The following MLXIPL variants were observed in gnomAD, a reference collection of about 807,000 sequenced individuals.
The protein encoded by MLXIPL is MLX interacting protein like.
In MLXIPL, 49 loss-of-function variants were observed where a neutral mutation model predicts 81.5. The ratio of observed to expected loss-of-function variants is 0.60; its 90% CI spans 0.48 to 0.76. MLXIPL has a LOEUF of 0.76. MLXIPL is among the 30% of genes least tolerant of loss of function. MLXIPL has a pLI of 0.00. For missense variants in MLXIPL, 1,053 were observed against 1,167.0 expected (o/e 0.90, Z 1.42); for synonymous variants, 466 against 485.5 (o/e 0.96, Z 0.53).
chr7:73,640,450 A>C, the MLXIPL span, among the ~76,000 whole-genome samples: 1 of 151,260 alleles, frequency 6.6e-6, no homozygotes, highest in South Asian at 2.1e-4. Flanking sequence ...AGAACCCTCA[A>C]AAACAGTAAA....
At chr7:73,605,871 G>T in intron 6 of MLXIPL, 39 bp downstream of exon 6, 1 of 1,566,680 alleles carries the variant, frequency 6.4e-7, no homozygotes, top group Non-Finnish European at 8.7e-7. Flanking sequence ...AATCTCACAG[G>T]CCTTCACCCC....
At chr7:73,631,101 TG>T in the MLXIPL span, among the ~76,000 whole-genome samples, 1 of 151,900 alleles carries the variant, frequency 6.6e-6, no homozygotes, top group African/African-American at 2.4e-5. Flanking sequence ...CTCCATCTCC[TG>T]GGTTCATGCC....
rs1554594398 is a variant in MLXIPL, at chr7:73,596,961, T to C, written c.1604-29A>G. ...TGCACGGGCAGAACCGTGAGGCTACTGGGGCTGGCCCACCCCCGGCATCTA... is the reference window on the plus strand; with the variant it reads ...TGCACGGGCAGAACCGTGAGGCTACCGGGGCTGGCCCACCCCCGGCATCTA... On this transcript the variant is annotated intron_variant, in intron 9 of 16. Transcript: ENST00000313375. The surrounding 1 kb of genome is among the most constrained non-coding windows in gnomAD (Gnocchi z 4.7). 3.7e-5 allele frequency: 59 copies of C among 1,597,718 alleles called. No individual in the cohort carries two copies. The highest frequency in any genetic ancestry group is 4.8e-5 in the Non-Finnish European group (56 of 1,174,206).
chr7:73,647,021 C>T, the MLXIPL span, among the ~76,000 whole-genome samples: 2 of 152,176 alleles, frequency 1.3e-5, no homozygotes, highest in African/African-American at 4.8e-5. Flanking sequence ...GGCCCAGGAA[C>T]AGTAAACCTT....
intron 7 of MLXIPL, among the ~76,000 whole-genome samples, chr7:73,601,454 C>T (rs536492567): frequency 6.6e-6 from 1 of 152,218 alleles, no homozygotes; most frequent in East Asian, 1.9e-4. Flanking sequence ...TTCCCATCCC[C>T]TGGTGGCTCC....
chr7:73,594,476 T>A, intron 15 of MLXIPL, 73 bp from the exon 16 acceptor site: 1 of 1,584,636 alleles, frequency 6.3e-7, no homozygotes. Flanking sequence ...GATGCCCAGT[T>A]CAAACCAGGG....
the MLXIPL span, among the ~76,000 whole-genome samples, chr7:73,633,942 G>A: frequency 6.6e-6 from 1 of 152,174 alleles, no homozygotes; most frequent in African/African-American, 2.4e-5. Context: ...CAGGCCTACG[G>A]AAGGACTTGG....
chr7:73,631,950 TTTC>T, the MLXIPL span, among the ~76,000 whole-genome samples: 1 of 140,510 alleles, frequency 7.1e-6, no homozygotes, highest in African/African-American at 2.5e-5. Flanking sequence ...TCTTTTCTCT[TTTC>T]TTTTCTTTTC....
At chr7:73,622,132 C>T (rs1796423986) in intron 1 of MLXIPL, among the ~76,000 whole-genome samples, 1 of 148,300 alleles carries the variant, frequency 6.7e-6, no homozygotes, top group Admixed American at 6.8e-5. Flanking sequence ...CTGAAGTGAT[C>T]CTCCCACCTC....
At chr7:73,635,207 A>G in the MLXIPL span, among the ~76,000 whole-genome samples, 2 of 152,294 alleles carry the variant, frequency 1.3e-5, no homozygotes, top group African/African-American at 2.4e-5. Context: ...AGTCCTGTGT[A>G]GGACAAAAAG....
intron 2 of MLXIPL, among the ~76,000 whole-genome samples, 187 bp downstream of exon 2, chr7:73,615,884 G>A (rs1795977525): frequency 6.8e-6 from 1 of 146,592 alleles, no homozygotes; most frequent in Non-Finnish European, 1.5e-5. Flanking sequence ...CTGCACTCCA[G>A]CTTGGGCAAC....
chr7:73,605,471 G>C (rs903499978), intron 7 of MLXIPL, among the ~76,000 whole-genome samples: 3 of 152,184 alleles, frequency 2.0e-5, no homozygotes, highest in Admixed American at 2.0e-4. Context: ...TGAGGCGGGA[G>C]GATCACTTGA....
intron 15 of MLXIPL, among the ~76,000 whole-genome samples, chr7:73,594,737 C>T (rs189669631): frequency 6.0e-4 from 90 of 150,910 alleles, no homozygotes; most frequent in African/African-American, 1.9e-3. Flanking sequence ...TTAGTAGAGA[C>T]GGGGTTTCGC....
Position 73,609,052 on chromosome 7 carries a change from T to C in MLXIPL, c.401-1380A>G, listed in dbSNP as rs569800330. On this transcript the variant is annotated intron_variant, in intron 2 of 16. Coordinates refer to ENST00000313375, the MANE Select transcript of MLXIPL (RefSeq NM_032951.3). ...TCGAACTCCTGAGGTCAAGGAATCCTCTTGTCTTGGCCTCCCAAGGTGTTG... is the reference window on the plus strand; with the variant it reads ...TCGAACTCCTGAGGTCAAGGAATCCCCTTGTCTTGGCCTCCCAAGGTGTTG... Among the ~76,000 whole-genome samples the C allele has an allele frequency of 1.1e-4, 16 of 151,936 alleles. No homozygotes were observed. The South Asian group carries it at 3.3e-3, about 32-fold the overall frequency.
At position 73,597,556 on chromosome 7, in the gene MLXIPL, C is replaced by A; in HGVS notation, c.1229G>T (p.Cys410Phe). ...PPAKVPGLEPCPPPPFPPMAP... is the reference protein window; with the variant it reads ...PPAKVPGLEPFPPPPFPPMAP... Reference sequence around the variant, plus strand: ...CATGGGAGGGAAGGGAGGTGGGGGGCAGGGCTCCAGGCCTGGCACCTTGGC... The same window carrying A: ...CATGGGAGGGAAGGGAGGTGGGGGGAAGGGCTCCAGGCCTGGCACCTTGGC... The change falls in exon 9 of 17, where the codon TGC (cysteine) becomes TTC (phenylalanine). Residue 410 changes from cysteine (C) to phenylalanine (F), a missense_variant. Around this residue, in one of 3 missense-constraint regions of MLXIPL, gnomAD observed 823 missense variants for 933.0 expected, o/e 0.88. Coordinates refer to ENST00000313375, the MANE Select transcript of MLXIPL (RefSeq NM_032951.3). The A allele has an allele frequency of 7.8e-7, 1 of 1,288,094 alleles. No individual in the cohort carries two copies. Among genetic ancestry groups the A allele is most frequent in the East Asian group, 2.9e-5 (1 of 34,204 alleles). 79.8% of individuals were successfully genotyped at this position (1,288,094 alleles called of 1,614,324 possible).
In MLXIPL at chr7:73,596,325, G is replaced by A. The variant is rs1554593787; in HGVS notation, c.1938+39C>T. 6.2e-7 allele frequency: 1 copy of A among 1,613,080 alleles called. No homozygotes were observed. The highest frequency in any genetic ancestry group is 8.5e-7 in the Non-Finnish European group (1 of 1,179,886). On this transcript the variant is annotated intron_variant, in intron 12 of 16. Coordinates refer to ENST00000313375, the MANE Select transcript of MLXIPL (RefSeq NM_032951.3). The surrounding 1 kb of genome is among the most constrained non-coding windows in gnomAD (Gnocchi z 4.7). Reference sequence around the variant, plus strand: ...TAGGAAGGAGCCCAGGAGGGCCTGGGGGTAGCAAACCGATCTTGGGGTGGG... The same window carrying A: ...TAGGAAGGAGCCCAGGAGGGCCTGGAGGTAGCAAACCGATCTTGGGGTGGG...
At chr7:73,645,065 T>C in the MLXIPL span, among the ~76,000 whole-genome samples, 39 of 152,220 alleles carry the variant, frequency 2.6e-4, no homozygotes, top group African/African-American at 8.7e-4. Context: ...CTTGCTCTGT[T>C]GCCCAGGCTG....
In MLXIPL at chr7:73,616,060, T is replaced by C; in HGVS notation, c.400+11A>G. On this transcript the variant is annotated intron_variant, in intron 2 of 16. Coordinates refer to ENST00000313375, the MANE Select transcript of MLXIPL (RefSeq NM_032951.3). ...CCCTCCCGGCTTGGGAGGCTGGTGG[T>C]AGCCACTCACACTGGATATACCAGG... The C allele has an allele frequency of 6.2e-7, 1 of 1,609,810 alleles. No homozygotes were observed. The highest frequency in any genetic ancestry group is 8.5e-7 in the Non-Finnish European group (1 of 1,176,320).
upstream of MLXIPL, among the ~76,000 whole-genome samples, chr7:73,625,654 G>A (rs944221694): frequency 4.6e-5 from 7 of 151,844 alleles, no homozygotes; most frequent in South Asian, 1.0e-3. Context: ...CCAGCTACTC[G>A]GGAGGCTGAG....
Sources: allele counts gnomAD v4.1 joint callset (sites outside exome capture counted in the v4.1 genomes callset), GRCh38; gene constraint gnomAD v4.1.1; regional missense constraint gnomAD v4.1.1; non-coding constraint Gnocchi (gnomAD v3.1); transcripts MANE v1.5; gene names NCBI Gene and HGNC (gene_info 2026-07-23, HGNC 2026-07-21).